The following PTPRA variants were observed in gnomAD, a reference collection of about 807,000 sequenced individuals.
The protein encoded by PTPRA is receptor-type tyrosine-protein phosphatase alpha.
In PTPRA, 25 loss-of-function variants were observed where a neutral mutation model predicts 104.8. The observed-to-expected ratio is 0.24, with a 90% CI of 0.17 to 0.33. The LOEUF is 0.33. PTPRA is among the 10% of genes least tolerant of loss of function. The pLI, the probability that PTPRA is intolerant of heterozygous loss-of-function variation, is 1.00. For missense variants in PTPRA, 765 were observed against 1,015.3 expected (o/e 0.75, Z 3.35); for synonymous variants, 323 against 368.9 (o/e 0.88, Z 1.43).
At chr20:2,899,444 G>A (rs943988108) in intron 1 of PTPRA, among the ~76,000 whole-genome samples, 1 of 151,566 alleles carries the variant, frequency 6.6e-6, no homozygotes, top group Non-Finnish European at 1.5e-5. Context: ...GAAAGGATGG[G>A]TGAGTTTTTT....
intron 3 of PTPRA, among the ~76,000 whole-genome samples, chr20:2,954,307 G>C (rs1227508673): frequency 2.0e-5 from 3 of 152,068 alleles, no homozygotes; most frequent in African/African-American, 4.8e-5. Context: ...TCGAACTCCT[G>C]ACCTCAGGTG....
At chr20:3,018,458 T>C (rs1010274754) in intron 13 of PTPRA, among the ~76,000 whole-genome samples, 8 of 151,422 alleles carry the variant, frequency 5.3e-5, no homozygotes, top group African/African-American at 1.9e-4. Flanking sequence ...AGCATCTGTT[T>C]AACAAAGCAC....
intron 6 of PTPRA, among the ~76,000 whole-genome samples, chr20:2,982,907 C>T (rs1416095739): frequency 6.6e-6 from 1 of 151,898 alleles, no homozygotes; most frequent in African/African-American, 2.4e-5. Context: ...ACCATGTTGG[C>T]CAAGCTGGTC....
chr20:2,932,985 T>G (rs1381223745), intron 2 of PTPRA, among the ~76,000 whole-genome samples: 1 of 152,214 alleles, frequency 6.6e-6, no homozygotes, highest in Non-Finnish European at 1.5e-5. Flanking sequence ...GCTACTATCC[T>G]GAGGTTTCTG....
rs1307470903 is a variant in PTPRA at position 2,923,245 on chromosome 20, T to A, written c.-90T>A. The A allele has an allele frequency of 7.8e-7, 1 of 1,276,380 alleles. No individual in the cohort carries two copies. Among genetic ancestry groups the A allele is most frequent in the Non-Finnish European group, 1.0e-6 (1 of 983,020 alleles). The allele number at this position is 1,276,380 out of a possible 1,614,324, so 79.1% of individuals were successfully genotyped here. On this transcript the variant is annotated 5_prime_UTR_variant, in exon 2 of 24. Coordinates refer to ENST00000399903, the MANE Select transcript of PTPRA (RefSeq NM_001385305.1). ...AAAAAAACAAAGGTATTTATGGAAT[T>A]CCACTGAGTGGTAATGGATGATGCA...
At chr20:2,935,782 A>G (rs2060678677) in intron 2 of PTPRA, among the ~76,000 whole-genome samples, 2 of 152,210 alleles carry the variant, frequency 1.3e-5, no homozygotes, top group African/African-American at 4.8e-5. Flanking sequence ...TGGGAGGCCT[A>G]GGCGGGTGGA....
Position 2,986,818 on chromosome 20 carries a change from G to C in PTPRA, c.496G>C (p.Val166Leu). ...MVALSSLLVI[V>L]FIIIVLYMLR... ...GGCCCTGTCCTCTCTGCTAGTGATC[G>C]TGTTTATTATCATAGTTTTGTACAT... The change falls in exon 7 of 24, where the codon GTG becomes CTG. Residue 166 changes from valine to leucine, a missense_variant. Physicochemically the swap from Val to Leu is conservative, Grantham distance 32. Around this residue, in one of 4 missense-constraint regions of PTPRA, gnomAD observed 256 missense variants for 248.9 expected, o/e 1.03. Coordinates refer to ENST00000399903, the MANE Select transcript of PTPRA (RefSeq NM_001385305.1). The C allele has an allele frequency of 1.9e-6, 3 of 1,612,780 alleles. No individual in the cohort carries two copies. The highest frequency in any genetic ancestry group is 1.7e-6 in the Non-Finnish European group (2 of 1,178,798).
chr20:2,882,002 GA>G (rs1296162753), intron 1 of PTPRA, among the ~76,000 whole-genome samples: 1 of 151,644 alleles, frequency 6.6e-6, no homozygotes, highest in Non-Finnish European at 1.5e-5. Flanking sequence ...TGTTTCAGGG[GA>G]AAAAAAGAAA....
chr20:2,919,679 A>T (rs1265423249), intron 1 of PTPRA, among the ~76,000 whole-genome samples: 1 of 103,848 alleles, frequency 9.6e-6, no homozygotes, highest in East Asian at 2.5e-4. Context: ...ATAAACAGTT[A>T]AAGTAGCTTA....
At position 2,955,674 on chromosome 20, in the gene PTPRA, G is replaced by T. The variant is rs915358896; in HGVS notation, c.-7+7650G>T. The T allele has an allele frequency of 7.1e-6, 7 of 985,226 alleles. No individual in the cohort carries two copies. The East Asian group carries it at 6.8e-4, about 96-fold the overall frequency. The allele number at this position is 985,226 out of a possible 1,614,324, so 61.0% of individuals were successfully genotyped here. A position where few individuals can be genotyped will look rare whatever the true frequency, so the allele number is the denominator to read the frequency against. On this transcript the variant is annotated intron_variant, in intron 3 of 23. Transcript: ENST00000399903. The stretch of plus-strand genomic sequence containing the variant: ...CTCACTGGCAACTCTTCAGAGTGCT[G>T]TTCCTACTCCACCCTCCCCTGGTGG...
intron 9 of PTPRA, among the ~76,000 whole-genome samples, chr20:2,990,782 C>G (rs1261189312): frequency 3.3e-5 from 5 of 152,000 alleles, no homozygotes; most frequent in African/African-American, 1.2e-4. Flanking sequence ...GATAACCTCA[C>G]AGAATAGGAG....
intron 2 of PTPRA, among the ~76,000 whole-genome samples, chr20:2,937,219 G>C (rs1186133802): frequency 6.6e-6 from 1 of 151,576 alleles, no homozygotes; most frequent in Admixed American, 6.6e-5. Context: ...CACCTCCCGG[G>C]TTCAAGCCAT....
Position 3,028,491 on chromosome 20 carries a change from T to C in PTPRA, c.1920+650T>C, listed in dbSNP as rs531928256. On this transcript the variant is annotated intron_variant, in intron 20 of 23. Transcript: ENST00000399903. ...TCTCAGTATAGGAAACCTCCTAATA[T>C]TGTTCCTGAGTCAGAATCATACAGC... is the stretch of plus-strand genomic sequence containing the variant. Among the ~76,000 whole-genome samples the C allele has an allele frequency of 1.2e-4, 19 of 152,344 alleles. No individual in the cohort carries two copies. In the South Asian group the frequency reaches 2.7e-3, roughly 22 times the overall value.
At chr20:2,898,100 T>C (rs1337927680) in intron 1 of PTPRA, among the ~76,000 whole-genome samples, 1 of 151,122 alleles carries the variant, frequency 6.6e-6, no homozygotes, top group Non-Finnish European at 1.5e-5. Flanking sequence ...TTTGTTTTTA[T>C]TTTTTTTATT....
chr20:2,982,348 A>G (rs536569985), intron 6 of PTPRA, among the ~76,000 whole-genome samples: 1 of 152,134 alleles, frequency 6.6e-6, no homozygotes, highest in Non-Finnish European at 1.5e-5. Context: ...CGGCCTCCCA[A>G]AGTGCTGGGA....
At chr20:3,025,627 T>C (rs901645197) in intron 17 of PTPRA, among the ~76,000 whole-genome samples, 1 of 151,904 alleles carries the variant, frequency 6.6e-6, no homozygotes, top group African/African-American at 2.4e-5. Flanking sequence ...CCCAGCACTT[T>C]GGGAGGCCAA....
intron 1 of PTPRA, among the ~76,000 whole-genome samples, chr20:2,898,615 T>A (rs2059112458): frequency 6.6e-6 from 1 of 150,740 alleles, no homozygotes; most frequent in South Asian, 2.2e-4. Flanking sequence ...CCTAGCACTC[T>A]GGGAGGCCGA....
At chr20:3,028,481 C>T (rs903663580) in intron 20 of PTPRA, among the ~76,000 whole-genome samples, 1 of 152,182 alleles carries the variant, frequency 6.6e-6, no homozygotes, top group Non-Finnish European at 1.5e-5. Flanking sequence ...GTATAGGAAA[C>T]CTCCTAATAT....
intron 3 of PTPRA, among the ~76,000 whole-genome samples, chr20:2,948,800 A>T (rs540397049): frequency 6.6e-6 from 1 of 152,228 alleles, no homozygotes; most frequent in South Asian, 2.1e-4. Context: ...AAATAGAAAA[A>T]AATTAGCTGG....
Sources: allele counts gnomAD v4.1 joint callset (sites outside exome capture counted in the v4.1 genomes callset), GRCh38; gene constraint gnomAD v4.1.1; regional missense constraint gnomAD v4.1.1; transcripts MANE v1.5; gene names NCBI Gene and HGNC (gene_info 2026-07-23, HGNC 2026-07-21).